ZFAND3: variants seen among roughly 807,000 people sequenced by gnomAD.
ZFAND3 encodes zinc finger AN1-type containing 3.
Under a neutral mutation model 29.6 loss-of-function variants are expected in ZFAND3, and 10 were observed. The ratio of observed to expected loss-of-function variants is 0.34; its 90% CI spans 0.21 to 0.57. ZFAND3 has a LOEUF of 0.57. ZFAND3 is among the 20% of genes least tolerant of loss of function. The pLI is 0.86. For synonymous variants in ZFAND3, 128 were observed against 112.6 expected (o/e 1.14, Z -0.87); for missense variants, 230 against 304.5 (o/e 0.76, Z 1.82).
At chr6:37,853,806 A>G (rs565232077) in intron 1 of ZFAND3, among the ~76,000 whole-genome samples, 20 of 152,356 alleles carry the variant, frequency 1.3e-4, no homozygotes, top group African/African-American at 3.8e-4. Flanking sequence ...AGTAGATTGT[A>G]TAATAATTCT....
intron 2 of ZFAND3, among the ~76,000 whole-genome samples, chr6:38,048,752 T>TG (rs915537486): frequency 2.6e-5 from 4 of 152,216 alleles, no homozygotes; most frequent in African/African-American, 9.6e-5. Flanking sequence ...AACTTTCTTA[T>TG]GGTCATGCAG....
intron 3 of ZFAND3, among the ~76,000 whole-genome samples, chr6:38,073,132 G>A (rs144015800): frequency 6.2e-4 from 94 of 152,246 alleles, no homozygotes; most frequent in African/African-American, 2.2e-3. Flanking sequence ...GAAGAGAAGG[G>A]CACCGGTGTT....
At chr6:37,985,499 C>CA (rs1762651601) in intron 2 of ZFAND3, among the ~76,000 whole-genome samples, 18 of 141,596 alleles carry the variant, frequency 1.3e-4, no homozygotes, top group Non-Finnish European at 1.4e-4. Context: ...GCTTGTGGTT[C>CA]CACACACACA....
chr6:37,889,315 C>G (rs1178186454), intron 1 of ZFAND3, among the ~76,000 whole-genome samples: 1 of 152,190 alleles, frequency 6.6e-6, no homozygotes, highest in Non-Finnish European at 1.5e-5. Flanking sequence ...CAGAAAACTT[C>G]CCTTTACATG....
chr6:37,967,385 A>G (rs1762312077), intron 2 of ZFAND3, among the ~76,000 whole-genome samples: 1 of 152,182 alleles, frequency 6.6e-6, no homozygotes, highest in Non-Finnish European at 1.5e-5. Context: ...CACAAAAAAG[A>G]TATTCTAAGC....
chr6:38,015,494 G>A (rs1156713001), intron 2 of ZFAND3, among the ~76,000 whole-genome samples: 2 of 152,262 alleles, frequency 1.3e-5, no homozygotes, highest in South Asian at 2.1e-4. Flanking sequence ...AGGTACAAGA[G>A]TATTCATCAT....
intron 1 of ZFAND3, among the ~76,000 whole-genome samples, chr6:37,838,805 C>T (rs1156774287): frequency 6.6e-6 from 1 of 152,150 alleles, no homozygotes; most frequent in African/African-American, 2.4e-5. Flanking sequence ...TGTGTGAACA[C>T]CTGTTTTCAC....
intron 1 of ZFAND3, among the ~76,000 whole-genome samples, chr6:37,838,727 A>G (rs956614517): frequency 7.9e-5 from 12 of 152,220 alleles, no homozygotes; most frequent in African/African-American, 2.9e-4. Flanking sequence ...CAGCTGATGG[A>G]TAATGAGTTG....
At chr6:38,131,526 G>A (rs1253457261) in intron 5 of ZFAND3, among the ~76,000 whole-genome samples, 1 of 152,216 alleles carries the variant, frequency 6.6e-6, no homozygotes, top group African/African-American at 2.4e-5. Context: ...TAGAAACAAA[G>A]AGAATTACTG....
At chr6:37,867,450 T>G (rs1456238777) in intron 1 of ZFAND3, among the ~76,000 whole-genome samples, 1 of 152,226 alleles carries the variant, frequency 6.6e-6, no homozygotes, top group Admixed American at 6.5e-5. Flanking sequence ...CCAATTTTTC[T>G]GCTGCATCTG....
chr6:37,970,389 G>T lies in ZFAND3; in HGVS notation c.112+40390G>T, dbSNP rs367822331. 2.0e-5 allele frequency among the ~76,000 whole-genome samples: 3 copies of T among 152,138 alleles called. No individual in the cohort carries two copies. In the East Asian group the frequency reaches 5.8e-4, roughly 29 times the overall value. ...AAAATTAAAAGTCACAAAAGATTTT[G>T]CATGTCAAGATTCTAGCCTTTTTCT... On this transcript the variant is annotated intron_variant, in intron 2 of 5. Coordinates refer to ENST00000287218, the MANE Select transcript of ZFAND3 (RefSeq NM_021943.3).
intron 3 of ZFAND3, among the ~76,000 whole-genome samples, chr6:38,068,964 G>A (rs1764399664): frequency 6.6e-6 from 1 of 152,126 alleles, no homozygotes; most frequent in Non-Finnish European, 1.5e-5. Context: ...TTAAAAAATG[G>A]TAGTGCCTTT....
chr6:38,107,363 C>G (rs1421906219), intron 4 of ZFAND3, among the ~76,000 whole-genome samples: 1 of 152,202 alleles, frequency 6.6e-6, no homozygotes, highest in Non-Finnish European at 1.5e-5. Flanking sequence ...AAAGGAACAG[C>G]ATTCTTCTCC....
intron 1 of ZFAND3, among the ~76,000 whole-genome samples, chr6:37,859,883 T>C (rs1447823338): frequency 6.7e-6 from 1 of 150,310 alleles, no homozygotes. Context: ...TTTTCTTTCT[T>C]TTTTTGAGAT....
intron 2 of ZFAND3, among the ~76,000 whole-genome samples, chr6:38,026,812 T>A (rs188735583): frequency 2.1e-4 from 29 of 136,242 alleles, no homozygotes; most frequent in African/African-American, 5.0e-4. Flanking sequence ...AGAGAGAGAG[T>A]GTAATTTAAT....
At chr6:38,064,086 A>G (rs984666739) in intron 3 of ZFAND3, among the ~76,000 whole-genome samples, 4 of 152,210 alleles carry the variant, frequency 2.6e-5, no homozygotes, top group Non-Finnish European at 5.9e-5. Context: ...CTAGAAAAAT[A>G]TACACCATCC....
At chr6:37,820,355 C>T (rs1193702513) in intron 1 of ZFAND3, among the ~76,000 whole-genome samples, 2 of 152,208 alleles carry the variant, frequency 1.3e-5, no homozygotes, top group Non-Finnish European at 2.9e-5. Context: ...GCAGGGGTGC[C>T]CCTTCCGTGG....
intron 5 of ZFAND3, among the ~76,000 whole-genome samples, chr6:38,151,215 TC>T (rs1410573415): frequency 1.3e-5 from 2 of 152,138 alleles, no homozygotes; most frequent in Non-Finnish European, 2.9e-5. Context: ...CCCTCCTTGT[TC>T]CTGACCCAGA....
intron 2 of ZFAND3, among the ~76,000 whole-genome samples, chr6:38,043,121 TAA>T (rs1165381521): frequency 5.3e-5 from 8 of 152,336 alleles, no homozygotes; most frequent in African/African-American, 1.7e-4. Flanking sequence ...AGAAGTTTTA[TAA>T]GAGACAGTTT....
Sources: allele counts gnomAD v4.1 joint callset (sites outside exome capture counted in the v4.1 genomes callset), GRCh38; gene constraint gnomAD v4.1.1; transcripts MANE v1.5; gene names NCBI Gene and HGNC (gene_info 2026-07-23, HGNC 2026-07-21).